Variants in AUTS2 observed in about 807,000 individuals in gnomAD.
AUTS2 encodes the protein autism susceptibility gene 2 protein.
A neutral mutation model predicts 112.4 loss-of-function variants in AUTS2; 17 were observed. That is an observed-to-expected ratio of 0.15 (90% CI 0.10 to 0.23). The LOEUF (loss-of-function observed/expected upper bound fraction) is 0.23, where lower values mean the gene tolerates loss of function less well. Ranked by LOEUF, AUTS2 falls within the 10% of genes least tolerant of loss-of-function variation. The pLI, the probability that AUTS2 is intolerant of heterozygous loss-of-function variation, is 1.00. For synonymous variants in AUTS2, 751 were observed against 702.7 expected (o/e 1.07, Z -1.09); for missense variants, 1,510 against 1,701.6 (o/e 0.89, Z 1.98).
At chr7:70,280,098 G>A (rs566739467) in intron 4 of AUTS2, among the ~76,000 whole-genome samples, 14 of 152,184 alleles carry the variant, frequency 9.2e-5, no homozygotes, top group South Asian at 2.1e-4. Context: ...AAATGATGTA[G>A]TATGTATCAG....
At chr7:69,885,435 C>T (rs967149397) in intron 1 of AUTS2, among the ~76,000 whole-genome samples, 21 of 152,250 alleles carry the variant, frequency 1.4e-4, no homozygotes, top group African/African-American at 3.9e-4. Context: ...AGAAGGAGTT[C>T]GGCTATTTGA....
intron 2 of AUTS2, among the ~76,000 whole-genome samples, chr7:70,025,955 G>C (rs944649628): frequency 6.6e-6 from 1 of 152,020 alleles, no homozygotes; most frequent in Admixed American, 6.6e-5. Context: ...AGATGAGATA[G>C]TTTCTGAACT....
At chr7:70,757,807 CTTTTTTTTT>C (rs3974412) in intron 6 of AUTS2, among the ~76,000 whole-genome samples, 2 of 60,526 alleles carry the variant, frequency 3.3e-5, no homozygotes, top group African/African-American at 1.3e-4. Flanking sequence ...TCCATGGCTT[CTTTTTTTTT>C]TTTTTTTTTT....
chr7:69,851,553 A>G (rs952633522), intron 1 of AUTS2, among the ~76,000 whole-genome samples: 1 of 152,214 alleles, frequency 6.6e-6, no homozygotes, highest in Non-Finnish European at 1.5e-5. Context: ...CCTGGCCCAT[A>G]TGTGAAATCT....
intron 5 of AUTS2, among the ~76,000 whole-genome samples, chr7:70,608,180 G>A (rs534581157): frequency 5.3e-4 from 81 of 152,052 alleles, no homozygotes; most frequent in Non-Finnish European, 9.0e-4. Flanking sequence ...CATAGTTCAC[G>A]GCAGCCTCAA....
rs776811681 is a variant in AUTS2 at position 70,698,616 on chromosome 7, C to A, written c.738C>A (p.Asn246Lys). Residue 246 changes from asparagine (N) to lysine (K), a missense_variant, in exon 6 of 19, where the codon AAC (asparagine) becomes AAA (lysine). Physicochemically the swap from Asn to Lys is moderately conservative, Grantham distance 94. This residue lies in a region of AUTS2 where 535 missense variants were observed against 594.3 expected (regional missense o/e 0.90). Coordinates refer to ENST00000342771, the MANE Select transcript of AUTS2 (RefSeq NM_015570.4). The stretch of plus-strand genomic sequence containing the variant: ...AACTCTTCAACACTGTTATTGTAAA[C>A]AAAGGTAAGACCCATTCATTCTCCT... The part of the protein sequence containing the change: ...SEKLFNTVIV[N>K]KDPELGVGTL... 1 of 1,605,440 alleles carries A rather than the reference C, an allele frequency of 6.2e-7. No individual in the cohort carries two copies. The highest frequency in any genetic ancestry group is 2.2e-5 in the East Asian group (1 of 44,690).
intron 1 of AUTS2, among the ~76,000 whole-genome samples, chr7:69,897,223 G>C (rs972393010): frequency 6.6e-6 from 1 of 152,240 alleles, no homozygotes; most frequent in Non-Finnish European, 1.5e-5. Flanking sequence ...AAAGGGAGGA[G>C]TGTGTAAGAG....
intron 6 of AUTS2, among the ~76,000 whole-genome samples, chr7:70,718,434 G>A (rs746523479): frequency 2.6e-5 from 4 of 152,148 alleles, no homozygotes; most frequent in South Asian, 2.1e-4. Context: ...AGCCTGGGGC[G>A]GGCGGATCAC....
At chr7:69,767,278 C>T (rs1421572283) in intron 1 of AUTS2, among the ~76,000 whole-genome samples, 1 of 151,738 alleles carries the variant, frequency 6.6e-6, no homozygotes, top group South Asian at 2.1e-4. Context: ...CTGCTAGGCT[C>T]AAGTGATCCT....
chr7:70,681,098 C>T (rs1180128117), intron 5 of AUTS2, among the ~76,000 whole-genome samples: 1 of 152,200 alleles, frequency 6.6e-6, no homozygotes, highest in East Asian at 1.9e-4. Flanking sequence ...ACACTCGCTT[C>T]CCTGTGAATT....
At chr7:69,674,482 T>G (rs1479686149) in intron 1 of AUTS2, among the ~76,000 whole-genome samples, 1 of 152,130 alleles carries the variant, frequency 6.6e-6, no homozygotes, top group East Asian at 1.9e-4. Flanking sequence ...TGTCAATGTA[T>G]CAACACTTCT....
chr7:70,693,881 G>C (rs1053029588), intron 5 of AUTS2, among the ~76,000 whole-genome samples: 9 of 152,232 alleles, frequency 5.9e-5, no homozygotes, highest in South Asian at 4.1e-4. Flanking sequence ...TCGAGCCGCG[G>C]GGGGAGCAAC....
At chr7:70,393,314 C>T (rs899010161) in intron 4 of AUTS2, among the ~76,000 whole-genome samples, 1 of 152,148 alleles carries the variant, frequency 6.6e-6, no homozygotes, top group Non-Finnish European at 1.5e-5. Context: ...AGATTCCCAG[C>T]GCATGTGTGC....
chr7:70,041,273 A>G (rs893987697), intron 2 of AUTS2, among the ~76,000 whole-genome samples: 1 of 152,206 alleles, frequency 6.6e-6, no homozygotes, highest in East Asian at 1.9e-4. Flanking sequence ...AATATTATCC[A>G]TAAAATATAC....
At chr7:70,539,894 A>G (rs1252179525) in intron 5 of AUTS2, among the ~76,000 whole-genome samples, 1 of 152,196 alleles carries the variant, frequency 6.6e-6, no homozygotes, top group Non-Finnish European at 1.5e-5. Flanking sequence ...GGGTTGGCAC[A>G]GGGATGGGCT....
At chr7:70,672,474 G>T (rs1170827608) in intron 5 of AUTS2, among the ~76,000 whole-genome samples, 1 of 152,166 alleles carries the variant, frequency 6.6e-6, no homozygotes, top group Admixed American at 6.5e-5. Context: ...GGAGGTCCTC[G>T]GCCAGAGACC....
chr7:70,078,664 T>G (rs2129564274), intron 2 of AUTS2, among the ~76,000 whole-genome samples: 1 of 152,300 alleles, frequency 6.6e-6, no homozygotes, highest in Middle Eastern at 3.4e-3. Flanking sequence ...AGTAATTGAA[T>G]GTCCTTCACT....
chr7:70,779,620 C>T (rs1439084598), intron 14 of AUTS2, among the ~76,000 whole-genome samples: 2 of 152,168 alleles, frequency 1.3e-5, no homozygotes, highest in Non-Finnish European at 2.9e-5. Flanking sequence ...ATATAGATGC[C>T]CCCTCATGGG....
At chr7:70,299,260 T>A (rs1043422886) in intron 4 of AUTS2, among the ~76,000 whole-genome samples, 1 of 152,214 alleles carries the variant, frequency 6.6e-6, no homozygotes, top group African/African-American at 2.4e-5. Context: ...TTTGGGACAT[T>A]TAGGTCATCT....
Sources: gnomAD v4.1 joint callset for allele counts (sites outside exome capture counted in the v4.1 genomes callset) on GRCh38, gnomAD v4.1.1 for gene constraint, gnomAD v4.1.1 regional missense constraint, MANE v1.5 for transcripts, NCBI Gene and HGNC (gene_info 2026-07-23, HGNC 2026-07-21) for gene names.